NFAT5: variants seen among roughly 807,000 people sequenced by gnomAD.
The protein encoded by NFAT5 is nuclear factor of activated T cells 5.
A neutral mutation model predicts 166.5 loss-of-function variants in NFAT5; 31 were observed. The observed-to-expected ratio is 0.19, with a 90% confidence interval of 0.14 to 0.25. The LOEUF (loss-of-function observed/expected upper bound fraction) is 0.25, where lower values mean the gene tolerates loss of function less well. Ranked by LOEUF, NFAT5 falls within the 10% of genes least tolerant of loss-of-function variation. The pLI is 1.00. For missense variants in NFAT5, 1,449 were observed against 1,821.8 expected (o/e 0.80, Z 3.72); for synonymous variants, 612 against 639.7 (o/e 0.96, Z 0.65).
chr16:69,568,370 GTGTGTGTATATA>G (rs1265432428), intron 1 of NFAT5, 113 bp from the exon 2 acceptor site: 139 of 387,222 alleles, frequency 3.6e-4, no homozygotes, highest in African/African-American at 3.5e-3. Context: ...GTGTGTGTGT[GTGTGTGTATATA>G]TATATATATA....
At chr16:69,642,907 G>GA (rs1215592184) in intron 3 of NFAT5, among the ~76,000 whole-genome samples, 3 of 151,538 alleles carry the variant, frequency 2.0e-5, no homozygotes, top group East Asian at 1.9e-4. Context: ...CTTCATAAAA[G>GA]AAAAAAAATC....
intron 3 of NFAT5, among the ~76,000 whole-genome samples, 190 bp from the exon 4 acceptor site, chr16:69,646,838 G>A (rs1311111937): frequency 6.6e-6 from 1 of 151,996 alleles, no homozygotes; most frequent in Non-Finnish European, 1.5e-5. Flanking sequence ...ATGCTATTTG[G>A]GCATTTTTAA....
chr16:69,690,820 C>T, intron 11 of NFAT5, 120 bp from the exon 12 acceptor site: 1 of 783,292 alleles, frequency 1.3e-6, no homozygotes, highest in Non-Finnish European at 1.9e-6. Flanking sequence ...GTATCTCATG[C>T]TACCATTGTA....
At chr16:69,574,557 G>A (rs373560244) in intron 2 of NFAT5, among the ~76,000 whole-genome samples, 3 of 152,110 alleles carry the variant, frequency 2.0e-5, no homozygotes, top group African/African-American at 7.2e-5. Context: ...AAATAAACTT[G>A]ATGTAATAAA....
intron 3 of NFAT5, among the ~76,000 whole-genome samples, chr16:69,641,032 C>A (rs1295167008): frequency 6.6e-6 from 1 of 151,254 alleles, no homozygotes; most frequent in Non-Finnish European, 1.5e-5. Flanking sequence ...GTAATCCCAG[C>A]ACTTTGAGAG....
chr16:69,608,855 C>T (rs1170249851), intron 2 of NFAT5, among the ~76,000 whole-genome samples: 1 of 151,098 alleles, frequency 6.6e-6, no homozygotes, highest in African/African-American at 2.4e-5. Context: ...GGTGTGGTGG[C>T]TCACGCCTGT....
At chr16:69,612,500 G>A (rs2033750268) in intron 2 of NFAT5, among the ~76,000 whole-genome samples, 1 of 152,146 alleles carries the variant, frequency 6.6e-6, no homozygotes. Context: ...TCATGGGCAA[G>A]TTGAATTTTT....
At chr16:69,658,783 C>T (rs1164103265) in intron 6 of NFAT5, among the ~76,000 whole-genome samples, 2 of 151,902 alleles carry the variant, frequency 1.3e-5, no homozygotes, top group Admixed American at 6.6e-5. Context: ...GCTGAGGTAG[C>T]GCCATTGCGC....
chr16:69,661,865 A>C (rs1314471364), intron 7 of NFAT5, among the ~76,000 whole-genome samples: 1 of 152,202 alleles, frequency 6.6e-6, no homozygotes. Flanking sequence ...GCTGGGGAAA[A>C]AACAGGCAAG....
At chr16:69,635,503 C>G (rs2034924250) in intron 3 of NFAT5, among the ~76,000 whole-genome samples, 1 of 152,050 alleles carries the variant, frequency 6.6e-6, no homozygotes, top group East Asian at 1.9e-4. Flanking sequence ...TGTTGACACT[C>G]TCTCAGTGGG....
intron 3 of NFAT5, among the ~76,000 whole-genome samples, chr16:69,643,060 T>C (rs1376756812): frequency 1.3e-5 from 2 of 151,244 alleles, no homozygotes; most frequent in African/African-American, 2.4e-5. Flanking sequence ...TCTACTAAAA[T>C]ACAGAAATTA....
intron 4 of NFAT5, among the ~76,000 whole-genome samples, chr16:69,651,671 A>ATT (rs5817673): frequency 0.043 from 6,173 of 142,918 alleles, 385 homozygotes; most frequent in African/African-American, 0.13. Context: ...ACATACGTGA[A>ATT]TTTTTTTTTT....
rs2037943733 is a variant in NFAT5, at chr16:69,704,116, G to A, written c.*7765G>A. The A allele has an allele frequency of 6.6e-6, 1 of 152,596 alleles. No individual in the cohort carries two copies. The highest frequency in any genetic ancestry group is 2.1e-4 in the South Asian group (1 of 4,828). 9.5% of individuals were successfully genotyped at this position (152,596 alleles called of 1,614,324 possible). The stretch of plus-strand genomic sequence containing the variant: ...AAAACTCCTGCACTGAAGTCATTGT[G>A]ACTTGAGTAGTTACAGACTGATTCC... On this transcript the variant is annotated 3_prime_UTR_variant, in exon 15 of 15. Transcript: ENST00000349945.
rs538661062 is a variant in NFAT5 at position 69,693,297 on chromosome 16, A to G, written c.3472A>G (p.Ile1158Val). The G allele has an allele frequency of 5.6e-6, 9 of 1,614,166 alleles. No homozygotes were observed. The highest frequency in any genetic ancestry group is 1.7e-5 in the Admixed American group (1 of 60,020). ...SVPQDQQSTN[I>V]FLSQSPMNNL... ...TCCTCAAGACCAGCAGTCAACCAACATATTTCTTTCCCAGAGTCCCATGAA... is the reference window on the plus strand; with the variant it reads ...TCCTCAAGACCAGCAGTCAACCAACGTATTTCTTTCCCAGAGTCCCATGAA... Residue 1158 changes from isoleucine to valine, a missense_variant, in exon 13 of 15, where the codon ATA becomes GTA. Coordinates refer to ENST00000349945, the MANE Select transcript of NFAT5 (RefSeq NM_138713.4).
rs2037846614 is a variant in NFAT5 at position 69,698,991 on chromosome 16, A to C, written c.*2640A>C. On this transcript the variant is annotated 3_prime_UTR_variant, in exon 15 of 15. Transcript: ENST00000349945. ...AGGTTATGAGGAGGATCAGCCACACAATCCAGTGCTTCAGTTTGAAAATGT... is the reference window on the plus strand; with the variant it reads ...AGGTTATGAGGAGGATCAGCCACACCATCCAGTGCTTCAGTTTGAAAATGT... 1 of 152,646 alleles carries C rather than the reference A, an allele frequency of 6.6e-6. No homozygotes were observed. Among genetic ancestry groups the C allele is most frequent in the Non-Finnish European group, 1.5e-5 (1 of 68,042 alleles). 9.5% of individuals were successfully genotyped at this position (152,646 alleles called of 1,614,324 possible). A position where few individuals can be genotyped will look rare whatever the true frequency, so the allele number is the denominator to read the frequency against.
rs1370017229 is a variant in NFAT5, at chr16:69,702,066, A to C, written c.*5715A>C. 6.6e-6 allele frequency: 1 copy of C among 152,608 alleles called. No individual in the cohort carries two copies. The highest frequency in any genetic ancestry group is 1.9e-4 in the East Asian group (1 of 5,194). The allele number at this position is 152,608 out of a possible 1,614,324, so 9.5% of individuals were successfully genotyped here. ...AGGTCAGGATAGTTCTACCTTTGGGATAGGGCTGCTTTCCCCGTGCTAGTA... is the reference window on the plus strand; with the variant it reads ...AGGTCAGGATAGTTCTACCTTTGGGCTAGGGCTGCTTTCCCCGTGCTAGTA... On this transcript the variant is annotated 3_prime_UTR_variant, in exon 15 of 15. Coordinates refer to ENST00000349945, the MANE Select transcript of NFAT5 (RefSeq NM_138713.4).
chr16:69,686,445 C>T (rs1243273219), intron 11 of NFAT5, among the ~76,000 whole-genome samples: 1 of 152,114 alleles, frequency 6.6e-6, no homozygotes, highest in Non-Finnish European at 1.5e-5. Context: ...ATTGCTTGAT[C>T]TGAAGAGGTC....
intron 2 of NFAT5, among the ~76,000 whole-genome samples, chr16:69,575,870 T>C (rs996064289): frequency 3.3e-5 from 5 of 152,166 alleles, no homozygotes; most frequent in African/African-American, 1.2e-4. Flanking sequence ...TATCCCTATT[T>C]CGTAAATGAA....
chr16:69,567,451 A>T (rs1036523266), intron 1 of NFAT5, among the ~76,000 whole-genome samples: 2 of 152,112 alleles, frequency 1.3e-5, no homozygotes, highest in Non-Finnish European at 2.9e-5. Context: ...CTGGGTTGTT[A>T]ACTATTCATT....
Sources: gnomAD v4.1 joint callset for allele counts (sites outside exome capture counted in the v4.1 genomes callset) on GRCh38, gnomAD v4.1.1 for gene constraint, MANE v1.5 for transcripts, NCBI Gene and HGNC (gene_info 2026-07-23, HGNC 2026-07-21) for gene names.